Variants in SNX18 observed in about 807,000 individuals in gnomAD.
The protein encoded by SNX18 is sorting nexin-18.
SNX18 carries 35 observed loss-of-function variants against 48.7 expected under a neutral mutation model. The ratio of observed to expected loss-of-function variants is 0.72; its 90% CI spans 0.55 to 0.95. The LOEUF is 0.95. Among genes scored for constraint, SNX18 ranks in the 40% least tolerant of loss-of-function variants. The probability of loss-of-function intolerance (pLI) is 0.00; values close to 1 mark genes in which losing one functional copy is unlikely to be tolerated. For missense variants in SNX18, 824 were observed against 871.0 expected, an observed-to-expected ratio of 0.95 and a Z score of 0.68; for synonymous variants, 492 against 384.7, an observed-to-expected ratio of 1.28 and a Z score of -3.26.
the SNX18 span, among the ~76,000 whole-genome samples, chr5:54,626,840 G>A: frequency 1.3e-5 from 2 of 152,220 alleles, no homozygotes; most frequent in Non-Finnish European, 2.9e-5. Flanking sequence ...GTGGGAGGTT[G>A]TGTTCACTTG....
Position 54,543,504 on chromosome 5 carries a change from A to G in SNX18, c.*72A>G. 6.5e-7 allele frequency: 1 copy of G among 1,549,378 alleles called. No individual in the cohort carries two copies. The highest frequency in any genetic ancestry group is 8.8e-7 in the Non-Finnish European group (1 of 1,142,658). On this transcript the variant is annotated 3_prime_UTR_variant, in exon 2 of 2. Coordinates refer to ENST00000381410, the MANE Select transcript of SNX18 (RefSeq NM_001102575.2). ...TACAGCAGAATAAAAACTGCTGTCA[A>G]AGAGCTATTGCCAGCTATCAGTGGT...
the SNX18 span, among the ~76,000 whole-genome samples, chr5:54,594,917 C>T: frequency 6.6e-6 from 1 of 152,182 alleles, no homozygotes; most frequent in Non-Finnish European, 1.5e-5. Flanking sequence ...TAAATGAGCA[C>T]ATGCAGTATT....
At chr5:54,590,916 T>C in the SNX18 span, among the ~76,000 whole-genome samples, 5 of 152,136 alleles carry the variant, frequency 3.3e-5, no homozygotes, top group Non-Finnish European at 7.4e-5. Context: ...TAAATGTTCA[T>C]TTGATATGAA....
At chr5:54,605,895 C>T in the SNX18 span, among the ~76,000 whole-genome samples, 2 of 152,124 alleles carry the variant, frequency 1.3e-5, no homozygotes, top group Non-Finnish European at 2.9e-5. Flanking sequence ...AACTTCTGGG[C>T]TCCAGCAATT....
the SNX18 span, among the ~76,000 whole-genome samples, chr5:54,586,656 G>T: frequency 2.6e-5 from 4 of 152,196 alleles, no homozygotes; most frequent in Non-Finnish European, 4.4e-5. Context: ...CCATTCATGA[G>T]CGCGGAGCCC....
chr5:54,547,595 A>G (rs1286261229), downstream of SNX18, among the ~76,000 whole-genome samples: 1 of 152,204 alleles, frequency 6.6e-6, no homozygotes, highest in Non-Finnish European at 1.5e-5. Flanking sequence ...TTCTGCTGGG[A>G]AAGGTGAGAG....
chr5:54,530,476 A>G (rs1315274437), intron 1 of SNX18, among the ~76,000 whole-genome samples: 2 of 152,176 alleles, frequency 1.3e-5, no homozygotes, highest in Non-Finnish European at 2.9e-5. Flanking sequence ...CTTACGCTAC[A>G]ATATATAACA....
At chr5:54,616,285 T>C in the SNX18 span, among the ~76,000 whole-genome samples, 1 of 152,214 alleles carries the variant, frequency 6.6e-6, no homozygotes, top group Non-Finnish European at 1.5e-5. Flanking sequence ...GCACATGACC[T>C]ATCTGGCTCG....
chr5:54,629,211 TCA>T, the SNX18 span, among the ~76,000 whole-genome samples: 804 of 152,330 alleles, frequency 5.3e-3, 8 homozygotes, highest in African/African-American at 0.019. Flanking sequence ...ATCTTGCACC[TCA>T]GTGTCCCAGT....
At chr5:54,586,887 T>C in the SNX18 span, among the ~76,000 whole-genome samples, 2 of 152,132 alleles carry the variant, frequency 1.3e-5, no homozygotes, top group African/African-American at 4.8e-5. Flanking sequence ...GAACAGGCAT[T>C]TGTATATAAA....
chr5:54,635,033 T>C, the SNX18 span, among the ~76,000 whole-genome samples: 1 of 152,016 alleles, frequency 6.6e-6, no homozygotes, highest in Non-Finnish European at 1.5e-5. Context: ...TTTTGAACTT[T>C]GTCTCCAGAA....
the SNX18 span, among the ~76,000 whole-genome samples, chr5:54,642,429 G>C: frequency 6.6e-6 from 1 of 151,772 alleles, no homozygotes; most frequent in African/African-American, 2.4e-5. Flanking sequence ...ACTGTCAAAG[G>C]CTCATTCCAC....
chr5:54,638,874 A>G, the SNX18 span, among the ~76,000 whole-genome samples: 3 of 152,180 alleles, frequency 2.0e-5, no homozygotes, highest in Admixed American at 2.0e-4. Context: ...TCAAGACCTC[A>G]TAACATCATC....
chr5:54,555,454 C>T, the SNX18 span, among the ~76,000 whole-genome samples: 7 of 151,690 alleles, frequency 4.6e-5, no homozygotes, highest in Non-Finnish European at 7.4e-5. Context: ...AGGTGATCCT[C>T]AACCCTCAGC....
At chr5:54,623,030 A>G in the SNX18 span, among the ~76,000 whole-genome samples, 4 of 152,364 alleles carry the variant, frequency 2.6e-5, no homozygotes, top group African/African-American at 9.6e-5. Context: ...TCATATCAAT[A>G]GTGCTTATAA....
At chr5:54,631,096 G>A in the SNX18 span, among the ~76,000 whole-genome samples, 12 of 152,162 alleles carry the variant, frequency 7.9e-5, no homozygotes, top group Non-Finnish European at 1.5e-4. Flanking sequence ...TTTAGCTTCT[G>A]ATGAAAATAA....
chr5:54,637,340 C>T, the SNX18 span, among the ~76,000 whole-genome samples: 29,627 of 152,146 alleles, frequency 0.19, 3,270 homozygotes, highest in East Asian at 0.3. Context: ...TATCTTTCAA[C>T]CTTTTGTACA....
At chr5:54,589,946 T>A in the SNX18 span, among the ~76,000 whole-genome samples, 1 of 152,184 alleles carries the variant, frequency 6.6e-6, no homozygotes, top group Non-Finnish European at 1.5e-5. Context: ...CACACAACCA[T>A]GACCAGCTAA....
chr5:54,543,239 A>G lies in SNX18; in HGVS notation c.1682A>G (p.Gln561Arg), dbSNP rs1038344488. 3.1e-6 allele frequency: 5 copies of G among 1,614,204 alleles called. No homozygotes were observed. Among genetic ancestry groups the G allele is most frequent in the South Asian group, 2.2e-5 (2 of 91,088 alleles). The change falls in exon 2 of 2, where the codon CAG (glutamine) becomes CGG (arginine). Residue 561 changes from glutamine (Q) to arginine (R), a missense_variant. Physicochemically the swap from Gln to Arg is conservative, Grantham distance 43. Around this residue, in one of 3 missense-constraint regions of SNX18, gnomAD observed 443 missense variants for 503.6 expected, o/e 0.88. Transcript: ENST00000381410. ...GTGGAGGAAGGGAAGATGGAGGTGCAGAAGGCTGACGGCATTCAGGATCGC... is the reference window on the plus strand; with the variant it reads ...GTGGAGGAAGGGAAGATGGAGGTGCGGAAGGCTGACGGCATTCAGGATCGC... ...RHVEEGKMEV[Q>R]KADGIQDRCN...
Sources: gnomAD v4.1 joint callset for allele counts (sites outside exome capture counted in the v4.1 genomes callset) on GRCh38, gnomAD v4.1.1 for gene constraint, gnomAD v4.1.1 regional missense constraint, MANE v1.5 for transcripts, NCBI Gene and HGNC (gene_info 2026-07-23, HGNC 2026-07-21) for gene names.